Variants in ZNF143 observed in about 807,000 individuals in gnomAD.
ZNF143 encodes the protein SPH-binding factor.
Under a neutral mutation model 74.1 loss-of-function variants are expected in ZNF143, and 49 were observed. The observed-to-expected ratio is 0.66, with a 90% confidence interval of 0.53 to 0.84. The LOEUF is 0.84. Among genes scored for constraint, ZNF143 ranks in the 40% least tolerant of loss-of-function variants. The probability of loss-of-function intolerance (pLI) is 0.00; values close to 1 mark genes in which losing one functional copy is unlikely to be tolerated. For missense variants in ZNF143, 637 were observed against 793.4 expected, an observed-to-expected ratio of 0.80 and a Z score of 2.37; for synonymous variants, 304 against 282.8, an observed-to-expected ratio of 1.07 and a Z score of -0.75.
At chr11:9,473,772 T>C in intron 3 of ZNF143, 169 bp from the exon 4 acceptor site, 2 of 1,535,144 alleles carry the variant, frequency 1.3e-6, no homozygotes, top group Non-Finnish European at 1.7e-6. Flanking sequence ...TTCTGCTTTC[T>C]GTAGGATCAC....
At chr11:9,477,443 G>T (rs978340781) in intron 5 of ZNF143, among the ~76,000 whole-genome samples, 6 of 152,010 alleles carry the variant, frequency 3.9e-5, no homozygotes, top group Non-Finnish European at 8.8e-5. Flanking sequence ...TTTTAGTAGA[G>T]ATGGGATTTC....
intron 12 of ZNF143, among the ~76,000 whole-genome samples, chr11:9,510,797 C>T (rs1239509653): frequency 6.6e-6 from 1 of 152,022 alleles, no homozygotes; most frequent in Non-Finnish European, 1.5e-5. Context: ...CGAGAGGGAC[C>T]AGGAATCTTC....
chr11:9,502,241 CTTTTTTTTTTTTTTT>C (rs1183629630), intron 11 of ZNF143, among the ~76,000 whole-genome samples: 1 of 56,968 alleles, frequency 1.8e-5, no homozygotes, highest in Non-Finnish European at 3.0e-5. Flanking sequence ...TGGCCATATT[CTTTTTTTTTTTTTTT>C]TTTTTTTTTG....
chr11:9,476,954 G>A (rs902274209), intron 5 of ZNF143, among the ~76,000 whole-genome samples: 2 of 150,072 alleles, frequency 1.3e-5, no homozygotes, highest in African/African-American at 4.9e-5. Flanking sequence ...AGTAGAGGCG[G>A]GGTTTCACCG....
intron 1 of ZNF143, among the ~76,000 whole-genome samples, chr11:9,464,310 A>G (rs1856058044): frequency 6.6e-6 from 1 of 151,990 alleles, no homozygotes; most frequent in Admixed American, 6.6e-5. Flanking sequence ...TTTTAGAAAA[A>G]CGTTTGTAGG....
intron 11 of ZNF143, among the ~76,000 whole-genome samples, chr11:9,508,319 A>G (rs1848431212): frequency 6.6e-6 from 1 of 152,202 alleles, no homozygotes; most frequent in African/African-American, 2.4e-5. Flanking sequence ...ATGGGAAACA[A>G]ATTACAGTTT....
At chr11:9,473,600 C>T (rs1473433450) in intron 3 of ZNF143, among the ~76,000 whole-genome samples, 1 of 152,140 alleles carries the variant, frequency 6.6e-6, no homozygotes, top group Non-Finnish European at 1.5e-5. Flanking sequence ...ATCTGTCTGT[C>T]TTCCCAGCTT....
intron 1 of ZNF143, among the ~76,000 whole-genome samples, chr11:9,462,340 C>T (rs763065657): frequency 6.6e-6 from 1 of 150,416 alleles, no homozygotes; most frequent in Non-Finnish European, 1.5e-5. Flanking sequence ...CCTTACAGTT[C>T]ACCCATTTAA....
At chr11:9,472,590 T>A (rs1856644945) in intron 2 of ZNF143, 87 bp from the exon 3 acceptor site, 2 of 1,197,234 alleles carry the variant, frequency 1.7e-6, no homozygotes, top group Admixed American at 1.9e-5. Flanking sequence ...GCAGTTTACC[T>A]TTTTTCTGAT....
At chr11:9,483,123 A>T (rs1341068414) in intron 7 of ZNF143, among the ~76,000 whole-genome samples, 2 of 150,156 alleles carry the variant, frequency 1.3e-5, no homozygotes, top group Admixed American at 1.3e-4. Context: ...CCTCCCGAAT[A>T]GCTGGGATTA....
intron 7 of ZNF143, among the ~76,000 whole-genome samples, chr11:9,493,371 A>G (rs184670592): frequency 6.6e-4 from 100 of 152,212 alleles, no homozygotes; most frequent in South Asian, 1.9e-3. Context: ...CGCCTGGCCT[A>G]TGCATACTTT....
At chr11:9,516,896 C>T (rs1042202152) in intron 14 of ZNF143, among the ~76,000 whole-genome samples, 2 of 151,998 alleles carry the variant, frequency 1.3e-5, no homozygotes, top group Non-Finnish European at 2.9e-5. Flanking sequence ...TAGTCATCTC[C>T]CCCTACCTTT....
At chr11:9,463,153 C>T (rs1236970015) in intron 1 of ZNF143, among the ~76,000 whole-genome samples, 3 of 152,170 alleles carry the variant, frequency 2.0e-5, no homozygotes, top group Non-Finnish European at 4.4e-5. Context: ...ATTGTATGAA[C>T]ATAGTACATT....
At chr11:9,496,086 T>G (rs1271537144) in intron 8 of ZNF143, among the ~76,000 whole-genome samples, 1 of 152,230 alleles carries the variant, frequency 6.6e-6, no homozygotes, top group African/African-American at 2.4e-5. Flanking sequence ...ACGTTCCTGT[T>G]CCCTACTTAA....
intron 7 of ZNF143, among the ~76,000 whole-genome samples, chr11:9,490,073 A>G (rs1847711679): frequency 6.6e-6 from 1 of 151,800 alleles, no homozygotes; most frequent in Admixed American, 6.6e-5. Context: ...TGTCCTAACT[A>G]CGTGGGAGGC....
rs1849183019 is a variant in ZNF143 at position 9,527,882 on chromosome 11, A to G, written c.*269A>G. 1 of 287,966 alleles carries G rather than the reference A, an allele frequency of 3.5e-6. No homozygotes were observed. Among genetic ancestry groups the G allele is most frequent in the African/African-American group, 2.2e-5 (1 of 46,024 alleles). The allele number at this position is 287,966 out of a possible 1,614,324, so 17.8% of individuals were successfully genotyped here. A position where few individuals can be genotyped will look rare whatever the true frequency, so the allele number is the denominator to read the frequency against. ...ATGTTACTCTTTTATCAGATCACAA[A>G]CTCCTAGAGTCTACATGCAAGACTA... On this transcript the variant is annotated 3_prime_UTR_variant, in exon 16 of 16. Coordinates refer to ENST00000396602, the MANE Select transcript of ZNF143 (RefSeq NM_003442.6).
intron 13 of ZNF143, among the ~76,000 whole-genome samples, chr11:9,513,288 A>G (rs1317133800): frequency 6.6e-6 from 1 of 152,118 alleles, no homozygotes; most frequent in Non-Finnish European, 1.5e-5. Context: ...TTAATGATTA[A>G]TATGCTCTGT....
intron 5 of ZNF143, among the ~76,000 whole-genome samples, chr11:9,475,685 G>A (rs998195161): frequency 1.3e-5 from 2 of 152,112 alleles, no homozygotes; most frequent in Admixed American, 6.6e-5. Context: ...GAGGTCAGGG[G>A]TTTGAGACCA....
chr11:9,471,383 T>C lies in ZNF143; in HGVS notation c.75T>C (p.His25=), dbSNP rs2133858826. 1 of 1,612,584 alleles carries C rather than the reference T, an allele frequency of 6.2e-7. No individual in the cohort carries two copies. Among genetic ancestry groups the C allele is most frequent in the Non-Finnish European group, 8.5e-7 (1 of 1,179,488 alleles). The change falls in exon 2 of 16, where the codon CAT becomes CAC. Residue 25 remains histidine (H), a synonymous_variant. Transcript: ENST00000396602. The part of the protein sequence containing the change: ...EFPGGGMEAQ[H]VTLCLTEAVT... Reference sequence around the variant, plus strand: ...CTGGAGGAGGGATGGAGGCGCAACATGTTACGCTGTGCTTGACAGAGGCAG... The same window carrying C: ...CTGGAGGAGGGATGGAGGCGCAACACGTTACGCTGTGCTTGACAGAGGCAG...
Sources: gnomAD v4.1 joint callset for allele counts (sites outside exome capture counted in the v4.1 genomes callset) on GRCh38, gnomAD v4.1.1 for gene constraint, MANE v1.5 for transcripts, NCBI Gene and HGNC (gene_info 2026-07-23, HGNC 2026-07-21) for gene names.